Variants in STAG1 observed in about 807,000 individuals in gnomAD.
STAG1 encodes the protein STAG1 cohesin complex component.
A neutral mutation model predicts 170.9 loss-of-function variants in STAG1; 26 were observed. The ratio of observed to expected loss-of-function variants is 0.15; its 90% CI spans 0.11 to 0.21. The LOEUF (loss-of-function observed/expected upper bound fraction) is 0.21. Among genes scored for constraint, STAG1 ranks in the 10% least tolerant of loss-of-function variants. The pLI, the probability that STAG1 is intolerant of heterozygous loss-of-function variation, is 1.00. For missense variants in STAG1, 964 were observed against 1,509.5 expected (o/e 0.64, Z 5.99); for synonymous variants, 514 against 497.7 (o/e 1.03, Z -0.44).
intron 1 of STAG1, among the ~76,000 whole-genome samples, chr3:136,667,529 C>A (rs781124659): frequency 5.3e-4 from 80 of 152,098 alleles, no homozygotes; most frequent in Non-Finnish European, 1.0e-3. Context: ...GTTTATTTTT[C>A]ATTTTGTGCA....
chr3:136,615,045 A>T (rs1207129631), intron 3 of STAG1, among the ~76,000 whole-genome samples: 1 of 152,210 alleles, frequency 6.6e-6, no homozygotes, highest in African/African-American at 2.4e-5. Flanking sequence ...CTTCTAAGAG[A>T]AACATTATTT....
chr3:136,587,887 G>C (rs552044994), intron 4 of STAG1, among the ~76,000 whole-genome samples: 1 of 151,776 alleles, frequency 6.6e-6, no homozygotes, highest in Non-Finnish European at 1.5e-5. Context: ...GCTTGAACCC[G>C]GGGGGGCGGA....
At chr3:136,401,639 A>T (rs972640993) in intron 21 of STAG1, among the ~76,000 whole-genome samples, 6 of 151,890 alleles carry the variant, frequency 4.0e-5, no homozygotes, top group African/African-American at 1.5e-4. Context: ...TTTTTTTGAG[A>T]TGGAGTATTG....
At chr3:136,486,188 T>C (rs941716244) in intron 9 of STAG1, among the ~76,000 whole-genome samples, 1 of 152,240 alleles carries the variant, frequency 6.6e-6, no homozygotes, top group Non-Finnish European at 1.5e-5. Context: ...ATGTAGGACA[T>C]AGTCAACAAC....
At chr3:136,474,906 C>G (rs1367625504) in intron 10 of STAG1, among the ~76,000 whole-genome samples, 1 of 152,126 alleles carries the variant, frequency 6.6e-6, no homozygotes, top group African/African-American at 2.4e-5. Flanking sequence ...TCCATCTTTC[C>G]TCTCCCAACC....
chr3:136,376,012 T>TAAAA (rs1553796066), intron 23 of STAG1, among the ~76,000 whole-genome samples: 21 of 14,198 alleles, frequency 1.5e-3, no homozygotes, highest in Admixed American at 3.5e-3. Flanking sequence ...AAATAAATAA[T>TAAAA]TAACAAAATA....
At chr3:136,728,176 C>T (rs1933797021) in intron 1 of STAG1, among the ~76,000 whole-genome samples, 1 of 151,488 alleles carries the variant, frequency 6.6e-6, no homozygotes, top group Non-Finnish European at 1.5e-5. Context: ...AAATCAAAAA[C>T]AAAAAAACAC....
intron 1 of STAG1, among the ~76,000 whole-genome samples, chr3:136,678,018 T>C (rs1037349078): frequency 2.0e-5 from 3 of 149,058 alleles, no homozygotes; most frequent in Non-Finnish European, 4.4e-5. Context: ...TGAAGAAATT[T>C]AGTAAAAGTT....
intron 22 of STAG1, among the ~76,000 whole-genome samples, chr3:136,391,170 G>C (rs2086999057): frequency 6.6e-6 from 1 of 152,198 alleles, no homozygotes; most frequent in Non-Finnish European, 1.5e-5. Flanking sequence ...GAAATAGGGT[G>C]AGGGTCCAGA....
intron 13 of STAG1, among the ~76,000 whole-genome samples, chr3:136,454,018 G>A (rs1013195479): frequency 5.3e-5 from 8 of 151,998 alleles, no homozygotes; most frequent in African/African-American, 1.7e-4. Flanking sequence ...TTTAAGAGAA[G>A]GTTCTGTTTA....
chr3:136,448,510 C>G (rs1353516819), intron 14 of STAG1, among the ~76,000 whole-genome samples: 2 of 152,104 alleles, frequency 1.3e-5, no homozygotes, highest in African/African-American at 4.8e-5. Context: ...CCATGAGAAC[C>G]ATGTAAGAAA....
intron 4 of STAG1, among the ~76,000 whole-genome samples, chr3:136,569,563 G>A (rs7432375): frequency 0.36 from 54,528 of 151,832 alleles, 12,355 homozygotes; most frequent in East Asian, 0.81. Flanking sequence ...ATTCAACCCA[G>A]GGTTGAAGTC....
Position 136,420,010 on chromosome 3 carries a change from G to A in STAG1, c.2108+1083C>T, listed in dbSNP as rs562533045. 7.2e-5 allele frequency among the ~76,000 whole-genome samples: 11 copies of A among 152,034 alleles called. No individual in the cohort carries two copies. The South Asian group carries it at 2.3e-3, about 32-fold the overall frequency. ...CGTCTGTAATCCCAGCACTTTGGGAGGCCGAGTGCCAGTGGATTGCTTGAG... is the reference window on the plus strand; with the variant it reads ...CGTCTGTAATCCCAGCACTTTGGGAAGCCGAGTGCCAGTGGATTGCTTGAG... On this transcript the variant is annotated intron_variant, in intron 20 of 33. Transcript: ENST00000383202.
At chr3:136,750,638 C>T (rs1380933106) in intron 1 of STAG1, among the ~76,000 whole-genome samples, 3 of 152,196 alleles carry the variant, frequency 2.0e-5, no homozygotes, top group Non-Finnish European at 4.4e-5. Context: ...ACTGGTAGAT[C>T]ACTTGAATTA....
intron 21 of STAG1, among the ~76,000 whole-genome samples, chr3:136,413,561 C>T (rs1054388436): frequency 1.3e-5 from 2 of 151,880 alleles, no homozygotes; most frequent in Non-Finnish European, 2.9e-5. Flanking sequence ...CAGGTGCAAG[C>T]GATTCTCCTG....
Position 136,634,213 on chromosome 3 carries a change from G to A in STAG1, c.-83-3232C>T, listed in dbSNP as rs191093463. Among the ~76,000 whole-genome samples, 333 of 151,660 alleles carry A rather than the reference G, an allele frequency of 2.2e-3. 1 individual carries two copies. Among genetic ancestry groups the A allele is most frequent in the African/African-American group, 7.5e-3 (310 of 41,422 alleles). ...AACAAAATTTTAAAACTAACCAGGC[G>A]TGGTGGCACACACCTGTGGTTCCAG... On this transcript the variant is annotated intron_variant, in intron 1 of 33. Transcript: ENST00000383202.
At chr3:136,648,985 C>G (rs1403074545) in intron 1 of STAG1, among the ~76,000 whole-genome samples, 2 of 152,160 alleles carry the variant, frequency 1.3e-5, no homozygotes, top group Non-Finnish European at 2.9e-5. Flanking sequence ...CTAAACATAG[C>G]AAGCAAAAAT....
chr3:136,348,793 C>A, intron 29 of STAG1: 1 of 225,330 alleles, frequency 4.4e-6, no homozygotes, highest in Non-Finnish European at 8.8e-6. Context: ...GAAATCTACC[C>A]TCAAATTACC....
intron 22 of STAG1, among the ~76,000 whole-genome samples, chr3:136,396,681 C>T (rs925817938): frequency 2.6e-5 from 4 of 151,460 alleles, no homozygotes; most frequent in African/African-American, 7.3e-5. Context: ...GCGCCTGCCA[C>T]CACACCCAGC....
Sources: gnomAD v4.1 joint callset for allele counts (sites outside exome capture counted in the v4.1 genomes callset) on GRCh38, gnomAD v4.1.1 for gene constraint, MANE v1.5 for transcripts, NCBI Gene and HGNC (gene_info 2026-07-23, HGNC 2026-07-21) for gene names.